Variants in DSTN observed in about 807,000 individuals in gnomAD.
The protein encoded by DSTN is destrin.
A neutral mutation model predicts 16.8 loss-of-function variants in DSTN; 10 were observed. That is an observed-to-expected ratio of 0.60 (90% CI 0.37 to 1.01). The LOEUF (loss-of-function observed/expected upper bound fraction) is 1.01. Ranked by LOEUF, DSTN falls within the 50% of genes least tolerant of loss-of-function variation. The pLI is 0.01. For missense variants in DSTN, 141 were observed against 196.7 expected, an observed-to-expected ratio of 0.72 and a Z score of 1.69; for synonymous variants, 57 against 58.9, an observed-to-expected ratio of 0.97 and a Z score of 0.14.
At chr20:17,591,137 C>T (rs527978192) in intron 1 of DSTN, among the ~76,000 whole-genome samples, 1 of 152,138 alleles carries the variant, frequency 6.6e-6, no homozygotes, top group East Asian at 1.9e-4. Context: ...CACGGAAATA[C>T]TGAAAGAATG....
intron 1 of DSTN, among the ~76,000 whole-genome samples, chr20:17,579,885 C>A (rs1317611299): frequency 6.6e-6 from 1 of 152,242 alleles, no homozygotes; most frequent in African/African-American, 2.4e-5. Context: ...GCATGGAGAG[C>A]TTGCTGCTGG....
rs1364641305 is a variant in DSTN, at chr20:17,607,278, C to T, written c.*132C>T. On this transcript the variant is annotated 3_prime_UTR_variant, in exon 4 of 4. Coordinates refer to ENST00000246069, the MANE Select transcript of DSTN (RefSeq NM_006870.4). ...TTGTCATCTTTTAGAGTAAACTATT[C>T]TATAAACATATGCAAACAGCCCTAA... 3 of 666,856 alleles carry T rather than the reference C, an allele frequency of 4.5e-6. No homozygotes were observed. The highest frequency in any genetic ancestry group is 7.1e-6 in the Non-Finnish European group (3 of 421,750). The allele number at this position is 666,856 out of a possible 1,614,324, so 41.3% of individuals were successfully genotyped here. A position where few individuals can be genotyped will look rare whatever the true frequency, so the allele number is the denominator to read the frequency against.
chr20:17,571,957 C>T lies in DSTN; in HGVS notation c.3+1746C>T, dbSNP rs566295717. ...GACCTTACAAGTTACTCTTAGAGTT[C>T]AGATTATAGACCCCCCATTTTTAAA... On this transcript the variant is annotated intron_variant, in intron 1 of 3. Coordinates refer to ENST00000246069, the MANE Select transcript of DSTN (RefSeq NM_006870.4). 5.3e-5 allele frequency among the ~76,000 whole-genome samples: 8 copies of T among 152,282 alleles called. No homozygotes were observed. In the South Asian group the frequency reaches 1.7e-3, roughly 32 times the overall value.
chr20:17,602,747 C>T (rs1295047165), intron 2 of DSTN, among the ~76,000 whole-genome samples: 1 of 152,186 alleles, frequency 6.6e-6, no homozygotes, highest in Non-Finnish European at 1.5e-5. Context: ...ACCCACTCTG[C>T]TGGGCGCAGT....
At position 17,581,654 on chromosome 20, in the gene DSTN, A is replaced by G. The variant is rs375109110; in HGVS notation, c.3+11443A>G. ...GGATGTGTGGCATAAGGGAAAGAAG[A>G]CTATCAAAGATGGCTCGTAAGGCTT... is the stretch of plus-strand genomic sequence containing the variant. On this transcript the variant is annotated intron_variant, in intron 1 of 3. Transcript: ENST00000246069. 5.3e-5 allele frequency among the ~76,000 whole-genome samples: 8 copies of G among 152,330 alleles called. No individual in the cohort carries two copies. In the East Asian group the frequency reaches 1.2e-3, roughly 22 times the overall value.
chr20:17,586,356 T>G (rs1304515725), intron 1 of DSTN, among the ~76,000 whole-genome samples: 1 of 152,166 alleles, frequency 6.6e-6, no homozygotes, highest in Non-Finnish European at 1.5e-5. Flanking sequence ...GGGACATATT[T>G]TAGGACAAAA....
At chr20:17,599,580 G>T (rs1164467837) in intron 1 of DSTN, 1 of 152,286 alleles carries the variant, frequency 6.6e-6, no homozygotes, top group Non-Finnish European at 1.5e-5. Flanking sequence ...AGAGATATTG[G>T]TCTTGGGGAT....
intron 1 of DSTN, among the ~76,000 whole-genome samples, chr20:17,570,716 C>A (rs1407041513): frequency 4.6e-5 from 7 of 152,204 alleles, no homozygotes; most frequent in Admixed American, 4.6e-4. Context: ...GAAGATAAAG[C>A]CTTTATGGAA....
At chr20:17,590,437 A>G (rs1238944210) in intron 1 of DSTN, among the ~76,000 whole-genome samples, 1 of 152,242 alleles carries the variant, frequency 6.6e-6, no homozygotes, top group East Asian at 1.9e-4. Context: ...CAAGCGAGAT[A>G]AAATGCAGTG....
chr20:17,574,977 C>T (rs368397739), intron 1 of DSTN, among the ~76,000 whole-genome samples: 13 of 147,250 alleles, frequency 8.8e-5, no homozygotes, highest in South Asian at 4.4e-4. Flanking sequence ...CCACCTCAGC[C>T]TGCGGAGTAG....
At chr20:17,578,403 A>T (rs1286941765) in intron 1 of DSTN, among the ~76,000 whole-genome samples, 1 of 152,102 alleles carries the variant, frequency 6.6e-6, no homozygotes, top group African/African-American at 2.4e-5. Context: ...AATGTAATGG[A>T]AATTGGGTTT....
At chr20:17,606,904 G>A (rs1439150600) in intron 3 of DSTN, 133 bp from the exon 4 acceptor site, 11 of 698,836 alleles carry the variant, frequency 1.6e-5, no homozygotes, top group Non-Finnish European at 2.4e-5. Flanking sequence ...TCTCGTTACT[G>A]TGTAGTATTC....
intron 1 of DSTN, among the ~76,000 whole-genome samples, chr20:17,579,795 C>G (rs1253435901): frequency 1.3e-5 from 2 of 152,202 alleles, no homozygotes; most frequent in Non-Finnish European, 2.9e-5. Context: ...AGGGCCAGCT[C>G]TAGGAAGACC....
intron 1 of DSTN, among the ~76,000 whole-genome samples, chr20:17,577,194 T>C (rs553990963): frequency 2.0e-5 from 3 of 152,330 alleles, no homozygotes; most frequent in South Asian, 4.1e-4. Flanking sequence ...TTTGAAAATA[T>C]CTGAAATCAA....
At chr20:17,591,341 G>T (rs992629886) in intron 1 of DSTN, among the ~76,000 whole-genome samples, 4 of 144,306 alleles carry the variant, frequency 2.8e-5, no homozygotes, top group African/African-American at 7.6e-5. Flanking sequence ...GTATAATTGG[G>T]TTTTTTTTTT....
chr20:17,603,221 C>T (rs2035605450), intron 2 of DSTN, among the ~76,000 whole-genome samples: 25 of 152,108 alleles, frequency 1.6e-4, no homozygotes, highest in Admixed American at 1.6e-3. Flanking sequence ...TGCCAGTGCT[C>T]ATGGCTGTTG....
chr20:17,601,098 G>A (rs1046206379), intron 2 of DSTN, 53 bp downstream of exon 2: 38 of 1,516,900 alleles, frequency 2.5e-5, no homozygotes, highest in East Asian at 6.9e-5. Context: ...GTTAGCACTC[G>A]GGAAGACCAG....
chr20:17,581,963 C>T (rs1054045691), intron 1 of DSTN, among the ~76,000 whole-genome samples: 4 of 151,764 alleles, frequency 2.6e-5, no homozygotes, highest in South Asian at 4.1e-4. Context: ...AATATATATT[C>T]TCATTTTTTC....
rs573405526 is a variant in DSTN at position 17,588,741 on chromosome 20, G to A, written c.4-11997G>A. ...AGAGCTTGCAGTGAGCTGAGATTGC[G>A]CCACTGCACTCCAGCCTGGGCAACA... On this transcript the variant is annotated intron_variant, in intron 1 of 3. Coordinates refer to ENST00000246069, the MANE Select transcript of DSTN (RefSeq NM_006870.4). Among the ~76,000 whole-genome samples, 80 of 152,262 alleles carry A rather than the reference G, an allele frequency of 5.3e-4. No individual in the cohort carries two copies. In the South Asian group the frequency reaches 6.9e-3, roughly 13 times the overall value.
Sources: allele counts gnomAD v4.1 joint callset (sites outside exome capture counted in the v4.1 genomes callset), GRCh38; gene constraint gnomAD v4.1.1; transcripts MANE v1.5; gene names NCBI Gene and HGNC (gene_info 2026-07-23, HGNC 2026-07-21).